Variants in ARF3 observed in about 807,000 individuals in gnomAD.
ARF3 encodes the protein ADP-ribosylation factor 3.
ARF3 carries 5 observed loss-of-function variants against 19.3 expected under a neutral mutation model. The observed-to-expected ratio is 0.26, with a 90% CI of 0.14 to 0.54. ARF3 has a LOEUF of 0.54. ARF3 is among the 20% of genes least tolerant of loss of function. The pLI is 0.95. For missense variants in ARF3, 77 were observed against 234.2 expected, an observed-to-expected ratio of 0.33 and a Z score of 4.38; for synonymous variants, 71 against 89.2, an observed-to-expected ratio of 0.80 and a Z score of 1.15.
intron 1 of ARF3, among the ~76,000 whole-genome samples, chr12:48,954,393 G>C (rs563886629): frequency 7.2e-5 from 11 of 152,302 alleles, no homozygotes; most frequent in Middle Eastern, 3.4e-3. Flanking sequence ...CTCTAAGGCA[G>C]CCCTGAGTGT....
At chr12:48,957,259 T>A (rs1479358531) in intron 1 of ARF3, 51 bp downstream of exon 1, 1 of 152,990 alleles carries the variant, frequency 6.5e-6, no homozygotes, top group East Asian at 1.9e-4. Flanking sequence ...GCCCTCACCC[T>A]GACCGAGCCT....
intron 1 of ARF3, among the ~76,000 whole-genome samples, chr12:48,948,325 G>C (rs567081539): frequency 6.7e-6 from 1 of 150,342 alleles, no homozygotes; most frequent in Admixed American, 6.6e-5. Flanking sequence ...GCTCACTGCA[G>C]CATCCAAATC....
chr12:48,942,499 G>T (rs1940277624), intron 1 of ARF3, among the ~76,000 whole-genome samples: 2 of 151,896 alleles, frequency 1.3e-5, no homozygotes, highest in Admixed American at 1.3e-4. Flanking sequence ...CTACCAAAGA[G>T]GCCTCCCACA....
Position 48,939,844 on chromosome 12 carries a change from C to A in ARF3, c.260-65G>T. ...AACCCCCTCCCCCCAACCAAAAGAC[C>A]ACACCTGCCTGACACCCTCCAAATA... On this transcript the variant is annotated intron_variant, in intron 3 of 4. Transcript: ENST00000256682. The surrounding 1 kb of genome is among the most constrained non-coding windows in gnomAD (Gnocchi z 4.8). The A allele has an allele frequency of 1.9e-6, 3 of 1,608,814 alleles. No individual in the cohort carries two copies. Among genetic ancestry groups the A allele is most frequent in the Non-Finnish European group, 2.6e-6 (3 of 1,176,158 alleles).
At chr12:48,949,699 T>G (rs1336736195) in intron 1 of ARF3, among the ~76,000 whole-genome samples, 1 of 152,084 alleles carries the variant, frequency 6.6e-6, no homozygotes, top group Non-Finnish European at 1.5e-5. Flanking sequence ...TGCATCACCA[T>G]GCCTGGCTAA....
intron 1 of ARF3, among the ~76,000 whole-genome samples, chr12:48,949,685 G>A (rs1441929677): frequency 1.3e-5 from 2 of 152,112 alleles, no homozygotes; most frequent in African/African-American, 2.4e-5. Context: ...TAGAACTACA[G>A]GTGTGCATCA....
At chr12:48,948,139 T>C (rs1430682879) in intron 1 of ARF3, among the ~76,000 whole-genome samples, 1 of 151,282 alleles carries the variant, frequency 6.6e-6, no homozygotes, top group African/African-American at 2.4e-5. Context: ...CAGGAAGTTG[T>C]GGCTGCAGTG....
rs1252233542 is a variant in ARF3, at chr12:48,939,766, C to T, written c.273G>A (p.Val91=). Reference sequence around the variant, plus strand: ...CTCGCTCCCGATCATTGCTGTCGACCACAAATATCAACCCTAGGAAGGCAG... The same window carrying T: ...CTCGCTCCCGATCATTGCTGTCGACTACAAATATCAACCCTAGGAAGGCAG... ...YFQNTQGLIF[V]VDSNDRERVN... is the part of the protein sequence containing the mutation. Residue 91 remains valine (V), a synonymous_variant, in exon 4 of 5, where the codon GTG becomes GTA. Transcript: ENST00000256682. This position sits in a 1 kb window ranked among gnomAD's most constrained non-coding sequence, Gnocchi z 4.8. 2.5e-6 allele frequency: 4 copies of T among 1,614,106 alleles called. No homozygotes were observed. The highest frequency in any genetic ancestry group is 3.4e-6 in the Non-Finnish European group (4 of 1,180,012).
chr12:48,939,540 C>G lies in ARF3; in HGVS notation c.384+115G>C, dbSNP rs1338547487. The G allele has an allele frequency of 7.0e-7, 1 of 1,434,456 alleles. No homozygotes were observed. The highest frequency in any genetic ancestry group is 2.3e-5 in the East Asian group (1 of 43,216). The allele number at this position is 1,434,456 out of a possible 1,614,324, so 88.9% of individuals were successfully genotyped here. A position where few individuals can be genotyped will look rare whatever the true frequency, so the allele number is the denominator to read the frequency against. ...AAGAAGCCAAGTGCTCAGTTTCCCACGCTTCTAACATTGAGAGCATACTAA... is the reference window on the plus strand; with the variant it reads ...AAGAAGCCAAGTGCTCAGTTTCCCAGGCTTCTAACATTGAGAGCATACTAA... On this transcript the variant is annotated intron_variant, in intron 4 of 4. Transcript: ENST00000256682. This position sits in a 1 kb window ranked among gnomAD's most constrained non-coding sequence, Gnocchi z 4.8.
At position 48,942,469 on chromosome 12, in the gene ARF3, GTT is replaced by G. The variant is rs370115536; in HGVS notation, c.-93-1283_-93-1282del. Among the ~76,000 whole-genome samples, 152 of 151,956 alleles carry G rather than the reference GTT, an allele frequency of 1.0e-3. 1 individual carries two copies. The highest frequency in any genetic ancestry group is 3.5e-3 in the African/African-American group (147 of 41,410). The stretch of plus-strand genomic sequence containing the variant: ...ATTACTCCTTCACCTCCTTCAGTTA[GTT>G]GTCTGTTTCAATGTCACCTACCAAA... On this transcript the variant is annotated intron_variant, in intron 1 of 4. Coordinates refer to ENST00000256682, the MANE Select transcript of ARF3 (RefSeq NM_001659.3).
chr12:48,950,193 C>T (rs563875054), intron 1 of ARF3, among the ~76,000 whole-genome samples: 11 of 152,130 alleles, frequency 7.2e-5, no homozygotes, highest in South Asian at 2.1e-4. Context: ...TGCACCACCA[C>T]GCCTGGCATC....
In ARF3 at chr12:48,938,359, A is replaced by AG. The variant is rs1940187105; in HGVS notation, c.*587dup. ...CTTCCCTTAATCTCACCAACACGGA[A>AG]GGGGCAGATGACAGGCTCCAGTGGG... On this transcript the variant is annotated 3_prime_UTR_variant, in exon 5 of 5. Transcript: ENST00000256682. 1 of 454,188 alleles carries AG rather than the reference A, an allele frequency of 2.2e-6. No individual in the cohort carries two copies. The highest frequency in any genetic ancestry group is 4.4e-6 in the Non-Finnish European group (1 of 226,928). 28.1% of individuals were successfully genotyped at this position (454,188 alleles called of 1,614,324 possible). A position where few individuals can be genotyped will look rare whatever the true frequency, so the allele number is the denominator to read the frequency against.
At chr12:48,950,423 G>T (rs1940444713) in intron 1 of ARF3, among the ~76,000 whole-genome samples, 1 of 152,150 alleles carries the variant, frequency 6.6e-6, no homozygotes. Flanking sequence ...CTGGGCTCAA[G>T]TGATCCGCCC....
chr12:48,955,915 T>C (rs990019138), intron 1 of ARF3, among the ~76,000 whole-genome samples: 3 of 152,226 alleles, frequency 2.0e-5, no homozygotes, highest in Non-Finnish European at 4.4e-5. Context: ...AGCTGAACCT[T>C]AATGGATTAG....
intron 1 of ARF3, 87 bp downstream of exon 1, chr12:48,957,223 G>C (rs918642525): frequency 6.6e-6 from 1 of 152,264 alleles, no homozygotes; most frequent in Admixed American, 6.5e-5. Context: ...TGCCGGGCGG[G>C]GCCCGGGAGG....
At chr12:48,940,258 T>A in intron 2 of ARF3, 151 bp from the exon 3 acceptor site, 1 of 673,570 alleles carries the variant, frequency 1.5e-6, no homozygotes, top group Non-Finnish European at 2.6e-6. Flanking sequence ...TGATAATCGT[T>A]AAGCTAGCAG....
intron 1 of ARF3, among the ~76,000 whole-genome samples, chr12:48,943,176 C>T (rs1592240190): frequency 1.3e-5 from 2 of 152,256 alleles, no homozygotes; most frequent in East Asian, 3.9e-4. Context: ...CCAAAAGAAT[C>T]ATTATGAAGG....
intron 1 of ARF3, among the ~76,000 whole-genome samples, chr12:48,945,734 C>T (rs954700863): frequency 6.6e-6 from 1 of 152,110 alleles, no homozygotes; most frequent in Non-Finnish European, 1.5e-5. Flanking sequence ...AAATAAATAT[C>T]CAGTAGCTAT....
At position 48,940,083 on chromosome 12, in the gene ARF3, T is replaced by A; in HGVS notation, c.173A>T (p.Tyr58Phe). The A allele has an allele frequency of 6.2e-7, 1 of 1,613,486 alleles. No individual in the cohort carries two copies. Among genetic ancestry groups the A allele is most frequent in the Non-Finnish European group, 8.5e-7 (1 of 1,179,892 alleles). ...TIGFNVETVE[Y>F]KNISFTVWDV... ...CCACACTGTAAAGCTGATGTTCTTATACTCCACTGTCTCCACATTGAACCC... is the reference window on the plus strand; with the variant it reads ...CCACACTGTAAAGCTGATGTTCTTAAACTCCACTGTCTCCACATTGAACCC... Residue 58 changes from tyrosine to phenylalanine, a missense_variant, in exon 3 of 5, where the codon TAT becomes TTT. Around this residue, in one of 3 missense-constraint regions of ARF3, gnomAD observed 15 missense variants for 96.6 expected, o/e 0.16. Transcript: ENST00000256682.
Sources: gnomAD v4.1 joint callset for allele counts (sites outside exome capture counted in the v4.1 genomes callset) on GRCh38, gnomAD v4.1.1 for gene constraint, gnomAD v4.1.1 regional missense constraint, Gnocchi (gnomAD v3.1) non-coding constraint, MANE v1.5 for transcripts, NCBI Gene and HGNC (gene_info 2026-07-23, HGNC 2026-07-21) for gene names.